The following ARHGAP26 variants were observed in gnomAD, a reference collection of about 807,000 sequenced individuals.
The protein encoded by ARHGAP26 is Rho GTPase activating protein 26, also known as rho GTPase-activating protein 26.
Under a neutral mutation model 104.8 loss-of-function variants are expected in ARHGAP26, and 38 were observed. That is an observed-to-expected ratio of 0.36 (90% CI 0.28 to 0.48). The LOEUF (loss-of-function observed/expected upper bound fraction) is 0.48. ARHGAP26 is among the 20% of genes least tolerant of loss of function. The pLI, the probability that ARHGAP26 is intolerant of heterozygous loss-of-function variation, is 0.99. For synonymous variants in ARHGAP26, 341 were observed against 340.0 expected (o/e 1.00, Z -0.03); for missense variants, 704 against 947.9 (o/e 0.74, Z 3.38).
intron 9 of ARHGAP26, chr5:142,908,596 A>T (rs1407003918): frequency 6.5e-6 from 1 of 154,158 alleles, no homozygotes; most frequent in Admixed American, 6.5e-5. Flanking sequence ...TTCATGACTT[A>T]ATCTCAGAAG....
chr5:143,176,451 A>G (rs923551114), intron 20 of ARHGAP26, among the ~76,000 whole-genome samples: 4 of 152,218 alleles, frequency 2.6e-5, no homozygotes, highest in Non-Finnish European at 4.4e-5. Context: ...GTGACTCCCA[A>G]GCACCATGGC....
At chr5:143,183,563 G>A (rs762365023) in intron 20 of ARHGAP26, among the ~76,000 whole-genome samples, 3 of 152,100 alleles carry the variant, frequency 2.0e-5, no homozygotes, top group Non-Finnish European at 2.9e-5. Context: ...ATCCTGTGCC[G>A]GGGAGCAGCT....
intron 17 of ARHGAP26, among the ~76,000 whole-genome samples, chr5:143,114,182 GAT>G (rs879320140): frequency 1.3e-5 from 2 of 152,148 alleles, no homozygotes; most frequent in African/African-American, 4.8e-5. Flanking sequence ...TTCCCAGGAA[GAT>G]GTTAAATGTG....
intron 1 of ARHGAP26, among the ~76,000 whole-genome samples, chr5:142,823,890 A>G (rs1489698284): frequency 6.6e-6 from 1 of 152,254 alleles, no homozygotes; most frequent in Admixed American, 6.5e-5. Context: ...CTGTCGTGAC[A>G]GAATTTTCAC....
chr5:143,179,656 G>T (rs1050309461), intron 20 of ARHGAP26, among the ~76,000 whole-genome samples: 1 of 152,212 alleles, frequency 6.6e-6, no homozygotes, highest in African/African-American at 2.4e-5. Flanking sequence ...TCTCCAGAGG[G>T]TTTCTTGGGC....
chr5:143,009,830 T>C (rs1168991940), intron 11 of ARHGAP26, among the ~76,000 whole-genome samples: 1 of 152,200 alleles, frequency 6.6e-6, no homozygotes, highest in Non-Finnish European at 1.5e-5. Context: ...AGATAGAGCT[T>C]AGCTTCAGTT....
Position 143,223,808 on chromosome 5 carries a change from A to T in ARHGAP26, c.*1362A>T, listed in dbSNP as rs1441545029. ...GGGATGAGTACCCTCTGAAAAAGGG[A>T]ATTTGCTGGTGAAAAGAGGCTGGAT... On this transcript the variant is annotated 3_prime_UTR_variant, in exon 23 of 23. Coordinates refer to ENST00000645722, the MANE Select transcript of ARHGAP26 (RefSeq NM_001135608.3). 4.3e-6 allele frequency: 1 copy of T among 232,324 alleles called. No homozygotes were observed. The highest frequency in any genetic ancestry group is 8.5e-6 in the Non-Finnish European group (1 of 117,272). The allele number at this position is 232,324 out of a possible 1,614,324, so 14.4% of individuals were successfully genotyped here. A position where few individuals can be genotyped will look rare whatever the true frequency, so the allele number is the denominator to read the frequency against.
At chr5:143,101,975 G>C (rs2150623158) in intron 17 of ARHGAP26, among the ~76,000 whole-genome samples, 1 of 152,104 alleles carries the variant, frequency 6.6e-6, no homozygotes, top group East Asian at 1.9e-4. Context: ...TGATAGAACT[G>C]GAGTCTGGAG....
Position 142,912,604 on chromosome 5 carries a change from C to T in ARHGAP26, c.934-595C>T, listed in dbSNP as rs116017741. On this transcript the variant is annotated intron_variant, in intron 9 of 22. Transcript: ENST00000645722. ...TTAAAATGTATTTATTGAGGAGCTA[C>T]TCTTTTCTAGGATCCAGTTGGGCCC... Among the ~76,000 whole-genome samples the T allele has an allele frequency of 4.6e-3, 700 of 152,328 alleles. 5 individuals carry two copies. Among genetic ancestry groups the T allele is most frequent in the Non-Finnish European group, 7.6e-3 (519 of 68,030 alleles).
intron 1 of ARHGAP26, among the ~76,000 whole-genome samples, chr5:142,794,833 C>T (rs911807288): frequency 6.6e-6 from 1 of 152,194 alleles, no homozygotes; most frequent in African/African-American, 2.4e-5. Context: ...CCAGCCAGTA[C>T]GAGAGCTAGT....
At chr5:143,058,249 G>T in intron 17 of ARHGAP26, 2 of 279,974 alleles carry the variant, frequency 7.1e-6, no homozygotes, top group South Asian at 5.3e-5. Context: ...TGTCTAATAT[G>T]GATAATAGAC....
intron 10 of ARHGAP26, among the ~76,000 whole-genome samples, chr5:142,918,543 A>G (rs1192372818): frequency 1.3e-5 from 2 of 152,176 alleles, no homozygotes; most frequent in South Asian, 2.1e-4. Flanking sequence ...AAGTAGACCT[A>G]TACTCTCATC....
intron 11 of ARHGAP26, among the ~76,000 whole-genome samples, chr5:143,007,159 CA>C (rs1778092441): frequency 6.9e-6 from 1 of 145,564 alleles, no homozygotes; most frequent in Non-Finnish European, 1.5e-5. Flanking sequence ...CGCACCACTG[CA>C]CTCCAGCCTG....
At chr5:143,044,422 A>C (rs1384305917) in intron 14 of ARHGAP26, among the ~76,000 whole-genome samples, 1 of 152,176 alleles carries the variant, frequency 6.6e-6, no homozygotes, top group African/African-American at 2.4e-5. Flanking sequence ...CACTGAGAAG[A>C]AAGTGCCTTT....
At chr5:143,189,074 A>G (rs1805540962) in intron 20 of ARHGAP26, among the ~76,000 whole-genome samples, 2 of 152,180 alleles carry the variant, frequency 1.3e-5, no homozygotes, top group Admixed American at 6.5e-5. Flanking sequence ...CCAAGAAACA[A>G]TTTCTTGCAG....
intron 11 of ARHGAP26, among the ~76,000 whole-genome samples, chr5:142,997,002 A>G (rs1164913227): frequency 6.6e-6 from 1 of 152,174 alleles, no homozygotes; most frequent in African/African-American, 2.4e-5. Flanking sequence ...TTGAATATAT[A>G]CATATCCTAC....
intron 1 of ARHGAP26, among the ~76,000 whole-genome samples, chr5:142,809,633 A>T (rs78429185): frequency 6.6e-6 from 1 of 152,208 alleles, no homozygotes; most frequent in East Asian, 1.9e-4. Context: ...CCCATTATTT[A>T]TACAGTTGCT....
At chr5:142,974,129 A>G (rs532582874) in intron 11 of ARHGAP26, among the ~76,000 whole-genome samples, 6 of 151,250 alleles carry the variant, frequency 4.0e-5, no homozygotes, top group East Asian at 3.9e-4. Context: ...TGCTTCTGCT[A>G]TAGTTTAGTG....
At chr5:142,995,585 G>A (rs180994863) in intron 11 of ARHGAP26, among the ~76,000 whole-genome samples, 150 of 152,246 alleles carry the variant, frequency 9.9e-4, no homozygotes, top group African/African-American at 3.4e-3. Context: ...TAGTTCAACC[G>A]TTGTGGAAGA....
Sources: allele counts gnomAD v4.1 joint callset (sites outside exome capture counted in the v4.1 genomes callset), GRCh38; gene constraint gnomAD v4.1.1; transcripts MANE v1.5; gene names NCBI Gene and HGNC (gene_info 2026-07-23, HGNC 2026-07-21).